Variants in TPST1 observed in about 807,000 individuals in gnomAD.
The protein encoded by TPST1 is protein-tyrosine sulfotransferase 1.
A neutral mutation model predicts 34.8 loss-of-function variants in TPST1; 20 were observed. That is an observed-to-expected ratio of 0.57 (90% CI 0.40 to 0.84). The LOEUF (loss-of-function observed/expected upper bound fraction) is 0.84. TPST1 is among the 40% of genes least tolerant of loss of function. The pLI is 0.00. For synonymous variants in TPST1, 152 were observed against 159.4 expected (o/e 0.95, Z 0.35); for missense variants, 353 against 455.5 (o/e 0.78, Z 2.05).
intron 2 of TPST1, among the ~76,000 whole-genome samples, chr7:66,266,466 G>A (rs528347806): frequency 2.6e-5 from 4 of 152,250 alleles, no homozygotes; most frequent in South Asian, 2.1e-4. Flanking sequence ...ATATATTATG[G>A]CTACTTAGCA....
At chr7:66,232,474 G>A (rs1272805407) in intron 1 of TPST1, among the ~76,000 whole-genome samples, 3 of 152,074 alleles carry the variant, frequency 2.0e-5, no homozygotes, top group African/African-American at 4.8e-5. Flanking sequence ...CCGGGTTCAC[G>A]CCATTCTCCT....
chr7:66,323,777 T>C (rs1224310246), intron 3 of TPST1, among the ~76,000 whole-genome samples: 1 of 152,184 alleles, frequency 6.6e-6, no homozygotes, highest in Admixed American at 6.5e-5. Flanking sequence ...GAAACTATAA[T>C]CAGATACTAC....
At chr7:66,244,229 A>G (rs1021502689) in intron 2 of TPST1, among the ~76,000 whole-genome samples, 1 of 152,154 alleles carries the variant, frequency 6.6e-6, no homozygotes, top group African/African-American at 2.4e-5. Context: ...CTGGGATTAC[A>G]GGCGTGAGCC....
At chr7:66,224,932 T>TTTTTTTG (rs1789619653) in intron 1 of TPST1, among the ~76,000 whole-genome samples, 1 of 108,398 alleles carries the variant, frequency 9.2e-6, no homozygotes, top group Admixed American at 9.7e-5. Flanking sequence ...TTTTTTTTTT[T>TTTTTTTG]GTGAGATGGA....
chr7:66,220,599 G>A (rs150444669), intron 1 of TPST1, among the ~76,000 whole-genome samples: 2 of 149,930 alleles, frequency 1.3e-5, no homozygotes, highest in African/African-American at 4.9e-5. Flanking sequence ...CGCAAAAGCT[G>A]CAGTGCATGC....
At position 66,265,765 on chromosome 7, in the gene TPST1, AT is replaced by A. The variant is rs139778719; in HGVS notation, c.846-20745del. ...AGCGGCAAGAGAAAAGCAGCTCATC[AT>A]GTACAGGGTAACCTCAGTAAGATGA... On this transcript the variant is annotated intron_variant, in intron 2 of 5. Coordinates refer to ENST00000304842, the MANE Select transcript of TPST1 (RefSeq NM_003596.4). Among the ~76,000 whole-genome samples the A allele has an allele frequency of 7.3e-3, 1,109 of 152,306 alleles. 14 individuals are homozygous for A. The highest frequency in any genetic ancestry group is 0.024 in the African/African-American group (985 of 41,552).
intron 2 of TPST1, among the ~76,000 whole-genome samples, chr7:66,249,758 T>G (rs1265872302): frequency 2.0e-5 from 3 of 152,234 alleles, no homozygotes; most frequent in Non-Finnish European, 4.4e-5. Flanking sequence ...CTACAATTAT[T>G]GCCACACCAT....
intron 1 of TPST1, among the ~76,000 whole-genome samples, chr7:66,227,960 G>C (rs914984790): frequency 1.3e-5 from 2 of 152,126 alleles, no homozygotes; most frequent in African/African-American, 2.4e-5. Context: ...TAATAATGGA[G>C]AATCAGCCAA....
intron 2 of TPST1, among the ~76,000 whole-genome samples, chr7:66,260,197 A>G (rs1396325340): frequency 6.6e-6 from 1 of 152,154 alleles, no homozygotes. Context: ...ATATTTGCAT[A>G]TACCTGATTA....
At chr7:66,264,915 A>G (rs1220113759) in intron 2 of TPST1, among the ~76,000 whole-genome samples, 1 of 152,156 alleles carries the variant, frequency 6.6e-6, no homozygotes, top group Non-Finnish European at 1.5e-5. Context: ...AAAACAAAAC[A>G]AAAAACCCAA....
chr7:66,226,245 G>T (rs1789654139), intron 1 of TPST1, among the ~76,000 whole-genome samples: 1 of 152,018 alleles, frequency 6.6e-6, no homozygotes, highest in Non-Finnish European at 1.5e-5. Context: ...TGCTAAGTAT[G>T]CTCTGGTAGA....
At chr7:66,249,835 C>G (rs1363098737) in intron 2 of TPST1, among the ~76,000 whole-genome samples, 1 of 152,202 alleles carries the variant, frequency 6.6e-6, no homozygotes, top group Non-Finnish European at 1.5e-5. Flanking sequence ...CACTTCATTT[C>G]TTCATCTGAC....
At chr7:66,235,379 A>G (rs1044047308) in intron 1 of TPST1, among the ~76,000 whole-genome samples, 2 of 152,100 alleles carry the variant, frequency 1.3e-5, no homozygotes, top group African/African-American at 4.8e-5. Context: ...TATTAAGCTG[A>G]TATTTTAATC....
At chr7:66,211,904 C>T (rs532402405) in intron 1 of TPST1, among the ~76,000 whole-genome samples, 59 of 152,184 alleles carry the variant, frequency 3.9e-4, no homozygotes, top group Non-Finnish European at 4.1e-4. Flanking sequence ...AGGCGGAGGT[C>T]GCAGTGAGCC....
chr7:66,325,260 C>T (rs764716615), intron 3 of TPST1, among the ~76,000 whole-genome samples: 10 of 152,104 alleles, frequency 6.6e-5, no homozygotes, highest in Admixed American at 4.6e-4. Context: ...GAACCTCTGC[C>T]GTGATTCAGT....
intron 2 of TPST1, among the ~76,000 whole-genome samples, chr7:66,260,265 C>T (rs907660886): frequency 3.2e-4 from 48 of 152,294 alleles, no homozygotes; most frequent in Admixed American, 2.7e-3. Context: ...TTTCATATTA[C>T]ACCTTATGCA....
intron 1 of TPST1, among the ~76,000 whole-genome samples, chr7:66,228,499 T>C (rs1248936849): frequency 6.6e-6 from 1 of 152,216 alleles, no homozygotes; most frequent in Non-Finnish European, 1.5e-5. Context: ...TCATGTATCA[T>C]ATATGTAACC....
chr7:66,359,600 A>ACAGT (rs1562859828), intron 5 of TPST1: 2 of 288,124 alleles, frequency 6.9e-6, no homozygotes, highest in East Asian at 1.7e-4. Flanking sequence ...ATAGCAGATG[A>ACAGT]CAGTCAGTTA....
At chr7:66,213,743 CAAAAA>C (rs749299136) in intron 1 of TPST1, among the ~76,000 whole-genome samples, 1 of 96,570 alleles carries the variant, frequency 1.0e-5, no homozygotes, top group East Asian at 2.9e-4. Flanking sequence ...GACTCCATCT[CAAAAA>C]AAAAAAAAAA....
Sources: allele counts gnomAD v4.1 joint callset (sites outside exome capture counted in the v4.1 genomes callset), GRCh38; gene constraint gnomAD v4.1.1; transcripts MANE v1.5; gene names NCBI Gene and HGNC (gene_info 2026-07-23, HGNC 2026-07-21).